Variants in CYP4F11 observed in about 807,000 individuals in gnomAD.
CYP4F11 encodes the protein cytochrome P450 4F11.
A neutral mutation model predicts 62.2 loss-of-function variants in CYP4F11; 79 were observed. That is an observed-to-expected ratio of 1.27 (90% CI 1.06 to 1.53). The LOEUF (loss-of-function observed/expected upper bound fraction) is 1.53, where lower values mean the gene tolerates loss of function less well. Among genes scored for constraint, CYP4F11 ranks in the 40% most tolerant of loss-of-function variants. The pLI is 0.00. For missense variants in CYP4F11, 777 were observed against 680.5 expected (o/e 1.14, Z -1.58); for synonymous variants, 290 against 263.7 (o/e 1.10, Z -0.97).
In CYP4F11 at chr19:15,924,620, T is replaced by G; in HGVS notation, c.647+141A>C. 5 of 891,198 alleles carry G rather than the reference T, an allele frequency of 5.6e-6. No homozygotes were observed. The East Asian group carries it at 1.5e-4, about 27-fold the overall frequency. The allele number at this position is 891,198 out of a possible 1,614,324, so 55.2% of individuals were successfully genotyped here. On this transcript the variant is annotated intron_variant, in intron 5 of 11. Transcript: ENST00000402119. ...CTCATGTCTACTGTCTCTTTCCCCC[T>G]CCCCATCCTTCAAAGCCCAGCTATG...
intron 8 of CYP4F11, among the ~76,000 whole-genome samples, chr19:15,918,059 A>G (rs1164018793): frequency 6.6e-6 from 1 of 152,204 alleles, no homozygotes; most frequent in Non-Finnish European, 1.5e-5. Context: ...GTGATAATCC[A>G]GACAAAGAAA....
chr19:15,927,416 C>T lies in CYP4F11; in HGVS notation c.397+14G>A, dbSNP rs200053194. The T allele has an allele frequency of 1.9e-5, 31 of 1,614,170 alleles. No individual in the cohort carries two copies. The East Asian group carries it at 6.5e-4, about 34-fold the overall frequency. On this transcript the variant is annotated intron_variant, in intron 3 of 11. Transcript: ENST00000402119. ...TAAAGGATATCCCCAACCCCATTCA[C>T]CTCAATTACTCACCCAGCCAGGGCT...
Position 15,913,464 on chromosome 19 carries a change from T to C in CYP4F11, c.*268A>G, listed in dbSNP as rs1049406870. 4.1e-6 allele frequency: 2 copies of C among 485,032 alleles called. No individual in the cohort carries two copies. The highest frequency in any genetic ancestry group is 3.9e-5 in the African/African-American group (2 of 51,046). 30.0% of individuals were successfully genotyped at this position (485,032 alleles called of 1,614,324 possible). A position where few individuals can be genotyped will look rare whatever the true frequency, so the allele number is the denominator to read the frequency against. ...CTGTTCCCTCTCCTGCTCAAACACC[T>C]CCCAGGGCTCCCTACTGCCCACAGG... On this transcript the variant is annotated 3_prime_UTR_variant, in exon 12 of 12. Coordinates refer to ENST00000402119, the MANE Select transcript of CYP4F11 (RefSeq NM_021187.4).
intron 7 of CYP4F11, 90 bp downstream of exon 7, chr19:15,922,274 G>A: frequency 6.2e-7 from 1 of 1,602,792 alleles, no homozygotes; most frequent in Non-Finnish European, 8.5e-7. Flanking sequence ...GAGGAGGATG[G>A]GCAGAATTAA....
At position 15,912,680 on chromosome 19, in the gene CYP4F11, A is replaced by AAAAAAAAAAAATAT. The variant is rs59091525; in HGVS notation, c.*1051_*1052insATATTTTTTTTTTT. ...TCACCATCCTCAGGAAAAAAAAAAA[A>AAAAAAAAAAAATAT]ATATATATATATATATATGTGTGTG... On this transcript the variant is annotated 3_prime_UTR_variant, in exon 12 of 12. Coordinates refer to ENST00000402119, the MANE Select transcript of CYP4F11 (RefSeq NM_021187.4). 7 of 66,170 alleles carry AAAAAAAAAAAATAT rather than the reference A, an allele frequency of 1.1e-4. No homozygotes were observed. The highest frequency in any genetic ancestry group is 4.5e-4 in the African/African-American group (7 of 15,530). 4.1% of individuals were successfully genotyped at this position (66,170 alleles called of 1,614,324 possible). A position where few individuals can be genotyped will look rare whatever the true frequency, so the allele number is the denominator to read the frequency against.
intron 8 of CYP4F11, among the ~76,000 whole-genome samples, chr19:15,919,572 C>T (rs1568482255): frequency 6.6e-6 from 1 of 151,902 alleles, no homozygotes; most frequent in African/African-American, 2.4e-5. Flanking sequence ...TCTCAAGAGA[C>T]CCCTTTAGGG....
intron 4 of CYP4F11, among the ~76,000 whole-genome samples, 172 bp from the exon 5 acceptor site, chr19:15,925,054 G>A (rs759744007): frequency 3.3e-5 from 5 of 152,186 alleles, no homozygotes; most frequent in Non-Finnish European, 5.9e-5. Flanking sequence ...ACTATTAGGA[G>A]ATAAAGACTC....
chr19:15,925,729 T>TACAC (rs61395286), intron 4 of CYP4F11, among the ~76,000 whole-genome samples: 70,198 of 142,594 alleles, frequency 0.49, 18,139 homozygotes, highest in Non-Finnish European at 0.6. Context: ...TACATATATG[T>TACAC]ACACACACAC....
At chr19:15,918,727 A>G (rs1299904002) in intron 8 of CYP4F11, among the ~76,000 whole-genome samples, 1 of 152,180 alleles carries the variant, frequency 6.6e-6, no homozygotes, top group African/African-American at 2.4e-5. Context: ...ACATCCACAC[A>G]ACAGAATGCT....
chr19:15,931,229 C>G (rs890891549), intron 1 of CYP4F11, among the ~76,000 whole-genome samples: 3 of 151,814 alleles, frequency 2.0e-5, no homozygotes, highest in Non-Finnish European at 4.4e-5. Flanking sequence ...CCCTCTGTGT[C>G]CCTGCGTATG....
intron 4 of CYP4F11, among the ~76,000 whole-genome samples, chr19:15,925,759 C>CACACACACACACACACA (rs1555777902): frequency 6.7e-6 from 1 of 148,934 alleles, no homozygotes. Context: ...CACACACACA[C>CACACACACACACACACA]CCTGTAGTTG....
rs764257394 is a variant in CYP4F11, at chr19:15,922,355, G to A, written c.985+9C>T. The stretch of plus-strand genomic sequence containing the variant: ...TGTCCCCACCGTAGTCCCACACTGA[G>A]ACCCTCACCCTCAAACATGAAGGTG... On this transcript the variant is annotated intron_variant, in intron 7 of 11. Transcript: ENST00000402119. 1.2e-6 allele frequency: 2 copies of A among 1,614,086 alleles called. No individual in the cohort carries two copies.
rs201322675 is a variant in CYP4F11 at position 15,934,369 on chromosome 19, C to T, written c.40G>A (p.Val14Met). ...LSLSWLGLGP[V>M]AASPWLLLLL... The stretch of plus-strand genomic sequence containing the variant: ...AGAAGCAGCCACGGGGATGCTGCCA[C>T]GGGCCCGAGGCCCAGCCAGGACAGG... The change falls in exon 1 of 12, where the codon GTG (valine) becomes ATG (methionine). Residue 14 changes from valine (V) to methionine (M), a missense_variant. Coordinates refer to ENST00000402119, the MANE Select transcript of CYP4F11 (RefSeq NM_021187.4). 55 of 1,613,276 alleles carry T rather than the reference C, an allele frequency of 3.4e-5. No individual in the cohort carries two copies. Among genetic ancestry groups the T allele is most frequent in the Admixed American group, 2.3e-4 (14 of 59,958 alleles).
chr19:15,914,489 G>C, intron 10 of CYP4F11, 102 bp from the exon 11 acceptor site: 7 of 1,543,902 alleles, frequency 4.5e-6, no homozygotes, highest in Non-Finnish European at 6.2e-6. Context: ...CATTTTGGCA[G>C]ATGTGTCTCC....
rs1268088325 is a variant in CYP4F11 at position 15,916,890 on chromosome 19, T to A, written c.1116-1995A>T. 2.6e-5 allele frequency among the ~76,000 whole-genome samples: 4 copies of A among 152,116 alleles called. No homozygotes were observed. In the South Asian group the frequency reaches 6.2e-4, roughly 24 times the overall value. On this transcript the variant is annotated intron_variant, in intron 8 of 11. Coordinates refer to ENST00000402119, the MANE Select transcript of CYP4F11 (RefSeq NM_021187.4). ...GATTCCTTAGAGAACTAAACGTAGA[T>A]CTACTATTCCATCCAACAATCTCAC...
At chr19:15,916,358 G>A (rs74608950) in intron 8 of CYP4F11, among the ~76,000 whole-genome samples, 8,034 of 152,082 alleles carry the variant, frequency 0.053, 271 homozygotes, top group Non-Finnish European at 0.068. Flanking sequence ...AAAGCAAGTC[G>A]GCTTAGGCAA....
At position 15,912,753 on chromosome 19, in the gene CYP4F11, G is replaced by GTATGTATATA. The variant is rs1568479625; in HGVS notation, c.*978_*979insTATATACATA. 1.2e-4 allele frequency: 2 copies of GTATGTATATA among 16,514 alleles called. No individual in the cohort carries two copies. Among genetic ancestry groups the GTATGTATATA allele is most frequent in the East Asian group, 2.8e-3 (1 of 354 alleles). 1.0% of individuals were successfully genotyped at this position (16,514 alleles called of 1,614,324 possible). On this transcript the variant is annotated 3_prime_UTR_variant, in exon 12 of 12. Transcript: ENST00000402119. ...TGTGTGTATATGTATATATGTGTGTGTGTGTGTGTGTGTGTGTGTATATAT... is the reference window on the plus strand; with the variant it reads ...TGTGTGTATATGTATATATGTGTGTGTATGTATATATGTGTGTGTGTGTGTGTGTATATAT...
intron 2 of CYP4F11, chr19:15,927,935 A>G (rs1359014813): frequency 5.9e-6 from 1 of 169,094 alleles, no homozygotes; most frequent in African/African-American, 2.4e-5. Context: ...ATGCTCTGCC[A>G]TGGACCTGAG....
At chr19:15,914,572 C>A (rs1387555706) in intron 10 of CYP4F11, 30 bp downstream of exon 10, 1 of 1,613,438 alleles carries the variant, frequency 6.2e-7, no homozygotes, top group Non-Finnish European at 8.5e-7. Flanking sequence ...GGAATGGACT[C>A]CAAAAAGGGT....
Sources: gnomAD v4.1 joint callset for allele counts (sites outside exome capture counted in the v4.1 genomes callset) on GRCh38, gnomAD v4.1.1 for gene constraint, MANE v1.5 for transcripts, NCBI Gene and HGNC (gene_info 2026-07-23, HGNC 2026-07-21) for gene names.